Variants in GPHN observed in about 807,000 individuals in gnomAD.
GPHN encodes the protein gephyrin.
GPHN carries 17 observed loss-of-function variants against 95.5 expected under a neutral mutation model. The observed-to-expected ratio is 0.18, with a 90% CI of 0.12 to 0.27. The LOEUF (loss-of-function observed/expected upper bound fraction) is 0.27, where lower values mean the gene tolerates loss of function less well. Among genes scored for constraint, GPHN ranks in the 10% least tolerant of loss-of-function variants. The pLI, the probability that GPHN is intolerant of heterozygous loss-of-function variation, is 1.00. For missense variants in GPHN, 660 were observed against 978.1 expected, an observed-to-expected ratio of 0.67 and a Z score of 4.34; for synonymous variants, 320 against 322.5, an observed-to-expected ratio of 0.99 and a Z score of 0.08.
At chr14:67,645,726 A>T in the GPHN span, 13 of 1,614,054 alleles carry the variant, frequency 8.1e-6, no homozygotes, top group Non-Finnish European at 1.1e-5. Context: ...GCTGACATCA[A>T]CACACCCCTT....
At chr14:67,698,920 C>G in the GPHN span, among the ~76,000 whole-genome samples, 1 of 152,022 alleles carries the variant, frequency 6.6e-6, no homozygotes, top group Non-Finnish European at 1.5e-5. Context: ...CATGGTTTGC[C>G]AACCTGTGTG....
chr14:66,624,834 G>A (rs973685773), intron 1 of GPHN, among the ~76,000 whole-genome samples: 1 of 152,186 alleles, frequency 6.6e-6, no homozygotes, highest in Non-Finnish European at 1.5e-5. Context: ...TATTCCTAAG[G>A]ATTAAGTTAT....
chr14:67,201,586 C>G, the GPHN span: 2 of 453,868 alleles, frequency 4.4e-6, no homozygotes, highest in Admixed American at 4.7e-5. Flanking sequence ...TGGTCACATG[C>G]CACTGCTGAA....
intron 3 of GPHN, among the ~76,000 whole-genome samples, chr14:66,798,150 T>C (rs1298550946): frequency 6.6e-6 from 1 of 151,932 alleles, no homozygotes; most frequent in African/African-American, 2.4e-5. Context: ...TGTTGAACAA[T>C]CCTTGAATCC....
intron 2 of GPHN, among the ~76,000 whole-genome samples, chr14:66,698,827 C>T (rs1595594446): frequency 6.6e-6 from 1 of 152,136 alleles, no homozygotes; most frequent in Non-Finnish European, 1.5e-5. Context: ...GTATACAAAA[C>T]ATTGGCCCTC....
chr14:67,505,759 T>G, the GPHN span, among the ~76,000 whole-genome samples: 1 of 152,006 alleles, frequency 6.6e-6, no homozygotes, highest in Admixed American at 6.6e-5. Flanking sequence ...CAGGCTGGTA[T>G]GCAGTGGTGC....
At chr14:66,721,023 AT>A (rs1396118911) in intron 2 of GPHN, among the ~76,000 whole-genome samples, 1 of 152,240 alleles carries the variant, frequency 6.6e-6, no homozygotes, top group African/African-American at 2.4e-5. Context: ...TTTTCAGTTT[AT>A]TTAGTCAAAT....
At chr14:66,604,292 G>GT (rs1274988251) in intron 1 of GPHN, among the ~76,000 whole-genome samples, 1 of 151,592 alleles carries the variant, frequency 6.6e-6, no homozygotes, top group African/African-American at 2.4e-5. Context: ...TAATGCTTTT[G>GT]TTTTTTTTCT....
chr14:66,886,160 A>T lies in GPHN; in HGVS notation c.389+6127A>T, dbSNP rs1483573855. Among the ~76,000 whole-genome samples, 4 of 152,316 alleles carry T rather than the reference A, an allele frequency of 2.6e-5. No homozygotes were observed. The South Asian group carries it at 8.3e-4, about 32-fold the overall frequency. ...TTTTAAAAACATAAAAAAAGAATCA[A>T]TCAGGCAGCTAAAATGACCTATCAG... On this transcript the variant is annotated intron_variant, in intron 5 of 22. Coordinates refer to ENST00000478722, the MANE Select transcript of GPHN (RefSeq NM_020806.5).
At chr14:67,209,124 C>T in the GPHN span, among the ~76,000 whole-genome samples, 1 of 152,102 alleles carries the variant, frequency 6.6e-6, no homozygotes. Flanking sequence ...TTTTCAATGG[C>T]AGAGTTTACG....
the GPHN span, among the ~76,000 whole-genome samples, chr14:67,665,259 C>CTTTTT: frequency 7.9e-6 from 1 of 126,534 alleles, no homozygotes; most frequent in Non-Finnish European, 1.6e-5. Flanking sequence ...TCAGTTATAT[C>CTTTTT]TTTTTTTTTT....
chr14:66,779,132 A>G (rs1218231367), intron 3 of GPHN, among the ~76,000 whole-genome samples: 2 of 152,160 alleles, frequency 1.3e-5, no homozygotes, highest in Non-Finnish European at 1.5e-5. Flanking sequence ...TATATGATAC[A>G]CTATTAGCTT....
At chr14:67,580,779 G>A in the GPHN span, 4 of 584,386 alleles carry the variant, frequency 6.8e-6, no homozygotes, top group East Asian at 2.9e-5. Flanking sequence ...CTGCCACCTT[G>A]GGTCCAGGAA....
At chr14:67,070,694 C>CA (rs34577444) in intron 11 of GPHN, among the ~76,000 whole-genome samples, 797 of 64,292 alleles carry the variant, frequency 0.012, 14 homozygotes, top group South Asian at 0.021. Flanking sequence ...GACTTCATCT[C>CA]AAAAAAAAAA....
At chr14:66,995,616 T>G (rs1305702574) in intron 9 of GPHN, among the ~76,000 whole-genome samples, 2 of 152,232 alleles carry the variant, frequency 1.3e-5, no homozygotes, top group Non-Finnish European at 2.9e-5. Context: ...TGCTTGGCAC[T>G]GGAAATACAG....
chr14:67,609,037 G>A, the GPHN span, among the ~76,000 whole-genome samples: 1 of 152,184 alleles, frequency 6.6e-6, no homozygotes, highest in Non-Finnish European at 1.5e-5. Context: ...AAGTGCCCCT[G>A]ACTTGAGACA....
the GPHN span, among the ~76,000 whole-genome samples, chr14:67,599,813 G>A: frequency 2.6e-5 from 4 of 152,174 alleles, no homozygotes. Context: ...GAAGGGGAAT[G>A]TACTATCCAG....
intron 2 of GPHN, among the ~76,000 whole-genome samples, chr14:66,771,735 CCCA>C (rs1480261608): frequency 8.3e-6 from 1 of 120,394 alleles, no homozygotes; most frequent in Admixed American, 9.6e-5. Flanking sequence ...CTCCCCCCAC[CCCA>C]CAACAGTCCC....
chr14:66,959,718 T>C (rs975576415), intron 8 of GPHN, among the ~76,000 whole-genome samples: 1 of 152,092 alleles, frequency 6.6e-6, no homozygotes, highest in African/African-American at 2.4e-5. Context: ...GTCAGTCTTT[T>C]TTAGTTTATC....
Sources: gnomAD v4.1 joint callset for allele counts (sites outside exome capture counted in the v4.1 genomes callset) on GRCh38, gnomAD v4.1.1 for gene constraint, MANE v1.5 for transcripts, NCBI Gene and HGNC (gene_info 2026-07-23, HGNC 2026-07-21) for gene names.